Variants in RMST observed in about 807,000 individuals in gnomAD.
The protein encoded by RMST is rhabdomyosarcoma 2 associated transcript.
At chr12:97,512,092 G>A (rs553216503) in intron 10 of RMST, among the ~76,000 whole-genome samples, 3 of 152,106 alleles carry the variant, frequency 2.0e-5, no homozygotes, top group Non-Finnish European at 4.4e-5. Context: ...CTGGCGTTCG[G>A]ATGTGTTCAG....
At chr12:97,527,334 A>G (rs1881213507) in intron 10 of RMST, among the ~76,000 whole-genome samples, 1 of 152,128 alleles carries the variant, frequency 6.6e-6, no homozygotes, top group African/African-American at 2.4e-5. Flanking sequence ...CCGTTAAAAC[A>G]TTCCACACCT....
intron 5 of RMST, among the ~76,000 whole-genome samples, chr12:97,482,498 A>G (rs902558710): frequency 2.0e-5 from 3 of 151,972 alleles, no homozygotes; most frequent in African/African-American, 7.2e-5. Flanking sequence ...GGAAATAAAT[A>G]TTAATGCTTT....
chr12:97,534,783 T>G (rs1049395732), intron 11 of RMST, among the ~76,000 whole-genome samples: 3 of 151,776 alleles, frequency 2.0e-5, no homozygotes, highest in Non-Finnish European at 4.4e-5. Context: ...TTGCTATGAA[T>G]AAGCCAAGAT....
chr12:97,523,613 A>G (rs2136559431), intron 10 of RMST, among the ~76,000 whole-genome samples: 1 of 152,348 alleles, frequency 6.6e-6, no homozygotes, highest in South Asian at 2.1e-4. Context: ...AATTAAAACA[A>G]CAATTAAAAA....
intron 10 of RMST, among the ~76,000 whole-genome samples, chr12:97,517,067 T>A (rs529776457): frequency 6.6e-6 from 1 of 152,090 alleles, no homozygotes; most frequent in East Asian, 1.9e-4. Flanking sequence ...CAGACTCTAC[T>A]CTTTAAAGAT....
intron 11 of RMST, among the ~76,000 whole-genome samples, chr12:97,539,400 TA>T (rs1278403986): frequency 1.3e-5 from 2 of 151,602 alleles, no homozygotes; most frequent in African/African-American, 4.8e-5. Flanking sequence ...CATACATTCA[TA>T]AAATCGCCTA....
At chr12:97,522,872 G>A (rs899141989) in intron 10 of RMST, among the ~76,000 whole-genome samples, 2 of 152,222 alleles carry the variant, frequency 1.3e-5, no homozygotes, top group Middle Eastern at 3.4e-3. Flanking sequence ...AAGCTTTTGC[G>A]TGGATTATGG....
intron 5 of RMST, among the ~76,000 whole-genome samples, chr12:97,486,471 G>T (rs1313689928): frequency 2.0e-5 from 3 of 152,184 alleles, no homozygotes; most frequent in Admixed American, 6.5e-5. Context: ...ATGTCTGAAA[G>T]TAGGGCTGAT....
At chr12:97,518,239 T>A (rs1399708860) in intron 10 of RMST, among the ~76,000 whole-genome samples, 2 of 152,120 alleles carry the variant, frequency 1.3e-5, no homozygotes, top group East Asian at 3.9e-4. Flanking sequence ...CATAGAAAAA[T>A]CTGATGAGAT....
intron 5 of RMST, among the ~76,000 whole-genome samples, chr12:97,480,089 CTT>C (rs369247317): frequency 1.5e-4 from 14 of 90,954 alleles, no homozygotes; most frequent in South Asian, 3.3e-4. Flanking sequence ...TTTCTTTTTT[CTT>C]TTTTTTTCTT....
rs1592734833 is a variant in RMST at position 97,523,336 on chromosome 12, C to G, written n.1341-7319C>G. ...GTAAATGTGACCATTGTTTTTATTG[C>G]TAATAATATGTGGGGAATAGGGAGA... On this transcript the variant is annotated intron_variant and non_coding_transcript_variant, in intron 10 of 13. Transcript: ENST00000640149. Among the ~76,000 whole-genome samples, 3 of 152,068 alleles carry G rather than the reference C, an allele frequency of 2.0e-5. No homozygotes were observed. The East Asian group carries it at 5.8e-4, about 29-fold the overall frequency.
At chr12:97,488,248 C>A (rs1876349233) in intron 5 of RMST, among the ~76,000 whole-genome samples, 1 of 152,100 alleles carries the variant, frequency 6.6e-6, no homozygotes, top group African/African-American at 2.4e-5. Context: ...GCTGGTGGTG[C>A]ATGCCTGTGA....
intron 11 of RMST, among the ~76,000 whole-genome samples, chr12:97,558,839 G>T (rs1018123725): frequency 1.3e-5 from 2 of 152,148 alleles, no homozygotes; most frequent in South Asian, 2.1e-4. Flanking sequence ...ACTGAGGCCA[G>T]CAACCTGATG....
intron 10 of RMST, among the ~76,000 whole-genome samples, chr12:97,501,965 A>G (rs912010594): frequency 6.6e-6 from 1 of 152,144 alleles, no homozygotes; most frequent in Admixed American, 6.6e-5. Context: ...GGAATGCCGC[A>G]CTAACTCAGT....
chr12:97,546,892 T>G (rs1157713991), intron 11 of RMST, among the ~76,000 whole-genome samples: 1 of 152,056 alleles, frequency 6.6e-6, no homozygotes, highest in African/African-American at 2.4e-5. Context: ...GTAGGTCTCT[T>G]GGACTAATTC....
At chr12:97,541,158 A>G (rs926306796) in intron 11 of RMST, 24 of 151,680 alleles carry the variant, frequency 1.6e-4, no homozygotes, top group African/African-American at 5.8e-4. Flanking sequence ...ACAACACTTC[A>G]TAGCTCAAAA....
At chr12:97,558,738 C>G (rs1175872512) in intron 11 of RMST, among the ~76,000 whole-genome samples, 1 of 152,086 alleles carries the variant, frequency 6.6e-6, no homozygotes, top group South Asian at 2.1e-4. Context: ...GCCTAATATA[C>G]TTCAATTTGT....
intron 8 of RMST, among the ~76,000 whole-genome samples, chr12:97,494,488 T>C: frequency 6.6e-6 from 1 of 152,140 alleles, no homozygotes; most frequent in East Asian, 1.9e-4. Flanking sequence ...AATTTGAGGC[T>C]GCAGTGAGCT....
chr12:97,514,173 ACT>A (rs1291079374), intron 10 of RMST, among the ~76,000 whole-genome samples: 2 of 152,142 alleles, frequency 1.3e-5, no homozygotes, highest in African/African-American at 4.8e-5. Context: ...GGATTCTATG[ACT>A]CTGAAACACC....
Sources: allele counts gnomAD v4.1 joint callset (sites outside exome capture counted in the v4.1 genomes callset), GRCh38; gene constraint gnomAD v4.1.1; transcripts MANE v1.5; gene names NCBI Gene and HGNC (gene_info 2026-07-23, HGNC 2026-07-21).